Variants in OPALIN observed in about 807,000 individuals in gnomAD.
OPALIN encodes transmembrane protein 10.
A neutral mutation model predicts 17.8 loss-of-function variants in OPALIN; 15 were observed. That is an observed-to-expected ratio of 0.84 (90% confidence interval 0.56 to 1.29). OPALIN has a LOEUF of 1.29. Ranked by LOEUF, OPALIN falls within the 50% of genes most tolerant of loss-of-function variation. The pLI is 0.00. For missense variants in OPALIN, 170 were observed against 176.0 expected, an observed-to-expected ratio of 0.97 and a Z score of 0.19; for synonymous variants, 62 against 63.8, an observed-to-expected ratio of 0.97 and a Z score of 0.14.
chr10:96,357,391 G>A (rs1845863717), intron 1 of OPALIN, among the ~76,000 whole-genome samples: 2 of 152,146 alleles, frequency 1.3e-5, no homozygotes, highest in South Asian at 2.1e-4. Flanking sequence ...GAAAAACATC[G>A]CACAAATTAG....
chr10:96,358,118 A>G (rs529033863), intron 1 of OPALIN, among the ~76,000 whole-genome samples: 1 of 139,388 alleles, frequency 7.2e-6, no homozygotes, highest in East Asian at 2.3e-4. Context: ...AGTGGTAGAG[A>G]TCAGGTTAGA....
intron 4 of OPALIN, among the ~76,000 whole-genome samples, chr10:96,348,775 T>C (rs1845450007): frequency 6.6e-6 from 1 of 152,236 alleles, no homozygotes; most frequent in South Asian, 2.1e-4. Flanking sequence ...AATTTTAAAG[T>C]GCACTGGAGG....
At chr10:96,356,457 T>C (rs1002851228) in intron 1 of OPALIN, among the ~76,000 whole-genome samples, 4 of 152,190 alleles carry the variant, frequency 2.6e-5, no homozygotes, top group African/African-American at 9.7e-5. Context: ...CAGAGGAAAC[T>C]GAAACCCAGG....
rs750040835 is a variant in OPALIN, at chr10:96,349,830, G to T, written c.73-4C>A. On this transcript the variant is annotated splice_region_variant and splice_polypyrimidine_tract_variant and intron_variant, in intron 3 of 5. Transcript: ENST00000371172. ...ATCCAAGAGAGGGCCCACAGTCCTGGCACAGAATGAAAAACACAGGGTCAG... is the reference window on the plus strand; with the variant it reads ...ATCCAAGAGAGGGCCCACAGTCCTGTCACAGAATGAAAAACACAGGGTCAG... 13 of 1,609,974 alleles carry T rather than the reference G, an allele frequency of 8.1e-6. No individual in the cohort carries two copies. The African/African-American group carries it at 1.6e-4, about 20-fold the overall frequency.
At position 96,344,681 on chromosome 10, in the gene OPALIN, C is replaced by A. The variant is rs1056730489; in HGVS notation, c.*1260G>T. On this transcript the variant is annotated 3_prime_UTR_variant, in exon 6 of 6. Transcript: ENST00000371172. ...AGCAAGCTGAAGCGGCAATGCTATG[C>A]GTGGGCTTAAGGGCTCTTGTTTAAT... is the stretch of plus-strand genomic sequence containing the variant. 6.6e-6 allele frequency: 1 copy of A among 151,978 alleles called. No homozygotes were observed. The highest frequency in any genetic ancestry group is 1.9e-4 in the East Asian group (1 of 5,186). 9.4% of individuals were successfully genotyped at this position (151,978 alleles called of 1,614,324 possible).
At chr10:96,353,679 C>G (rs1315624379) in intron 2 of OPALIN, among the ~76,000 whole-genome samples, 1 of 152,204 alleles carries the variant, frequency 6.6e-6, no homozygotes, top group Non-Finnish European at 1.5e-5. Flanking sequence ...TGCTTCTCTG[C>G]ATTCTCTTGA....
In OPALIN at chr10:96,356,558, A is replaced by T. The variant is rs138999979; in HGVS notation, c.4-1268T>A. On this transcript the variant is annotated intron_variant, in intron 1 of 5. Transcript: ENST00000371172. ...CCGCAGTCTATGTGACTCAACCCCA[A>T]CCCGAAAGATGGTAACAGAGGATCT... 5.1e-3 allele frequency among the ~76,000 whole-genome samples: 769 copies of T among 152,248 alleles called. 4 individuals are homozygous for T. Among genetic ancestry groups the T allele is most frequent in the African/African-American group, 0.017 (698 of 41,530 alleles).
At chr10:96,349,472 C>A (rs1845479539) in intron 4 of OPALIN, among the ~76,000 whole-genome samples, 1 of 152,192 alleles carries the variant, frequency 6.6e-6, no homozygotes. Flanking sequence ...TTTGTTACCC[C>A]AAATACCATC....
chr10:96,345,876 G>A lies in OPALIN; in HGVS notation c.*65C>T, dbSNP rs1309369589. 6.6e-7 allele frequency: 1 copy of A among 1,519,720 alleles called. No homozygotes were observed. The highest frequency in any genetic ancestry group is 1.4e-5 in the African/African-American group (1 of 71,990). 94.1% of individuals were successfully genotyped at this position (1,519,720 alleles called of 1,614,324 possible). A position where few individuals can be genotyped will look rare whatever the true frequency, so the allele number is the denominator to read the frequency against. On this transcript the variant is annotated 3_prime_UTR_variant, in exon 6 of 6. Transcript: ENST00000371172. ...GCAGCTTGGCATCTTTCCTCTCCAA[G>A]TACAAAACCCTGGGTTTTCAACCCT...
At chr10:96,357,050 C>A in intron 1 of OPALIN, 16 of 985,508 alleles carry the variant, frequency 1.6e-5, no homozygotes, top group Non-Finnish European at 1.9e-5. Context: ...AACACAGGGA[C>A]GTCTGGGCCT....
Position 96,348,289 on chromosome 10 carries a change from C to A in OPALIN, c.249G>T (p.Glu83Asp). 6.6e-7 allele frequency: 1 copy of A among 1,515,942 alleles called. No individual in the cohort carries two copies. Among genetic ancestry groups the A allele is most frequent in the South Asian group, 1.2e-5 (1 of 86,640 alleles). 93.9% of individuals were successfully genotyped at this position (1,515,942 alleles called of 1,614,324 possible). A position where few individuals can be genotyped will look rare whatever the true frequency, so the allele number is the denominator to read the frequency against. ...SEIDDNPKIS[E>D]NPRRSPTHEK... ...AGAGAGTATAACCAAGAGTTCTTAC[C>A]TCAGATATCTTGGGATTGTCATCAA... The change falls in exon 5 of 6, where the codon GAG (glutamate) becomes GAT (aspartate). Residue 83 changes from glutamate to aspartate, a missense_variant and splice_region_variant. Transcript: ENST00000371172.
chr10:96,353,452 G>T lies in OPALIN; in HGVS notation c.39+1803C>A, dbSNP rs752309057. 7 of 1,610,682 alleles carry T rather than the reference G, an allele frequency of 4.3e-6. No homozygotes were observed. The African/African-American group carries it at 5.3e-5, about 12-fold the overall frequency. ...TTCCAGGCAGGATGACCTACCATCC[G>T]CATTGTCCAGAGAGCTGCCCAGGAC... On this transcript the variant is annotated intron_variant, in intron 2 of 5. Coordinates refer to ENST00000371172, the MANE Select transcript of OPALIN (RefSeq NM_033207.5).
In OPALIN at chr10:96,346,099, T is replaced by A; in HGVS notation, c.268A>T (p.Thr90Ser). 6.2e-7 allele frequency: 1 copy of A among 1,613,864 alleles called. No homozygotes were observed. Among genetic ancestry groups the A allele is most frequent in the Non-Finnish European group, 8.5e-7 (1 of 1,179,874 alleles). ...GCTCCCATCGTATTCTTCTCATGTG[T>A]GGGTGATCTCCTAGGATTCTTAAGG... ...KISENPRRSP[T>S]HEKNTMGAQE... Residue 90 changes from threonine (T) to serine (S), a missense_variant, in exon 6 of 6, where the codon ACA becomes TCA. Thr to Ser is a moderately conservative substitution (Grantham distance 58). Coordinates refer to ENST00000371172, the MANE Select transcript of OPALIN (RefSeq NM_033207.5).
intron 2 of OPALIN, among the ~76,000 whole-genome samples, chr10:96,352,831 C>T (rs1019556606): frequency 1.3e-5 from 2 of 152,166 alleles, no homozygotes; most frequent in South Asian, 4.1e-4. Context: ...CTTTCTCCTT[C>T]GCTCCAGAGC....
rs1487433153 is a variant in OPALIN, at chr10:96,344,921, A to G, written c.*1020T>C. ...TAACATCTTTAAGGTTAAATGTAACACCACCAGTCTCTGTATTTGGAATTC... is the reference window on the plus strand; with the variant it reads ...TAACATCTTTAAGGTTAAATGTAACGCCACCAGTCTCTGTATTTGGAATTC... On this transcript the variant is annotated 3_prime_UTR_variant, in exon 6 of 6. Transcript: ENST00000371172. The G allele has an allele frequency of 6.6e-6, 1 of 152,202 alleles. No homozygotes were observed. The highest frequency in any genetic ancestry group is 2.4e-5 in the African/African-American group (1 of 41,450). The allele number at this position is 152,202 out of a possible 1,614,324, so 9.4% of individuals were successfully genotyped here. A position where few individuals can be genotyped will look rare whatever the true frequency, so the allele number is the denominator to read the frequency against.
At position 96,349,797 on chromosome 10, in the gene OPALIN, C is replaced by T. The variant is rs200505289; in HGVS notation, c.102G>A (p.Ala34=). Residue 34 remains alanine (A), a synonymous_variant, in exon 4 of 6, where the codon GCG becomes GCA. Transcript: ENST00000371172. ...TDCGPSLGLA[A]GIPLLVATAL... is the part of the protein sequence containing the mutation. ...CTGTGGCCACCAGCAATGGTATGCC[C>T]GCCGCTAATCCAAGAGAGGGCCCAC... 52 of 1,613,706 alleles carry T rather than the reference C, an allele frequency of 3.2e-5. No homozygotes were observed. The highest frequency in any genetic ancestry group is 8.9e-5 in the East Asian group (4 of 44,870).
rs553137272 is a variant in OPALIN at position 96,350,627 on chromosome 10, C to A, written c.72+751G>T. ...CATGTATACATATGTAACAAACCTG[C>A]ACGTTGTGCACATGTACCCTAGAAC... On this transcript the variant is annotated intron_variant, in intron 3 of 5. Coordinates refer to ENST00000371172, the MANE Select transcript of OPALIN (RefSeq NM_033207.5). Among the ~76,000 whole-genome samples, 6 of 152,316 alleles carry A rather than the reference C, an allele frequency of 3.9e-5. No individual in the cohort carries two copies. The South Asian group carries it at 1.2e-3, about 32-fold the overall frequency.
At chr10:96,358,500 A>G (rs11188736) in intron 1 of OPALIN, among the ~76,000 whole-genome samples, 112,520 of 151,638 alleles carry the variant, frequency 0.74, 42,281 homozygotes, top group East Asian at 0.9. Flanking sequence ...GAGTCACAAC[A>G]AAATATTTAT....
intron 2 of OPALIN, among the ~76,000 whole-genome samples, chr10:96,354,818 G>A (rs1431950561): frequency 6.6e-6 from 1 of 151,230 alleles, no homozygotes; most frequent in Non-Finnish European, 1.5e-5. Flanking sequence ...GTAAATGGCC[G>A]GGCACGGTGG....
Sources: gnomAD v4.1 joint callset for allele counts (sites outside exome capture counted in the v4.1 genomes callset) on GRCh38, gnomAD v4.1.1 for gene constraint, MANE v1.5 for transcripts, NCBI Gene and HGNC (gene_info 2026-07-23, HGNC 2026-07-21) for gene names.